The following SPG11 variants were observed in gnomAD, a reference collection of about 807,000 sequenced individuals.
SPG11 encodes the protein SPG11 vesicle trafficking associated, spatacsin.
Under a neutral mutation model 274.0 loss-of-function variants are expected in SPG11, and 222 were observed. That is an observed-to-expected ratio of 0.81 (90% CI 0.73 to 0.91). The LOEUF (loss-of-function observed/expected upper bound fraction) is 0.91, where lower values mean the gene tolerates loss of function less well. SPG11 is among the 40% of genes least tolerant of loss of function. The pLI, the probability that SPG11 is intolerant of heterozygous loss-of-function variation, is 0.00. For missense variants in SPG11, 3,114 were observed against 2,872.7 expected, an observed-to-expected ratio of 1.08 and a Z score of -1.92; for synonymous variants, 1,144 against 1,039.7, an observed-to-expected ratio of 1.10 and a Z score of -1.93.
intron 4 of SPG11, among the ~76,000 whole-genome samples, chr15:44,652,786 C>T (rs1045372661): frequency 6.6e-6 from 1 of 151,984 alleles, no homozygotes; most frequent in African/African-American, 2.4e-5. Context: ...TCCCGAGTAG[C>T]TGGGACTGCA....
chr15:44,595,928 G>C, intron 25 of SPG11, 155 bp downstream of exon 25: 1 of 1,003,376 alleles, frequency 1.0e-6, no homozygotes, highest in Non-Finnish European at 1.5e-6. Flanking sequence ...CAGAGCCTAA[G>C]CTAGAGAAGC....
In SPG11 at chr15:44,628,823, T is replaced by C. The variant is rs772835480; in HGVS notation, c.1913A>G (p.Lys638Arg). Residue 638 changes from lysine to arginine, a missense_variant, in exon 10 of 40, where the codon AAA becomes AGA. Coordinates refer to ENST00000261866, the MANE Select transcript of SPG11 (RefSeq NM_025137.4). The part of the protein sequence containing the change: ...HTEELDEHLQ[K>R]GVNILTSYIN... Reference sequence around the variant, plus strand: ...GTAGCTAGTCAAAATGTTCACTCCTTTTTGCAGATGTTCATCTAGTTCTAT... The same window carrying C: ...GTAGCTAGTCAAAATGTTCACTCCTCTTTGCAGATGTTCATCTAGTTCTAT... 25 of 1,613,374 alleles carry C rather than the reference T, an allele frequency of 1.5e-5. No individual in the cohort carries two copies. In the South Asian group the frequency reaches 2.3e-4, roughly 15 times the overall value.
At chr15:44,617,394 C>A (rs921337675) in intron 15 of SPG11, among the ~76,000 whole-genome samples, 6 of 152,196 alleles carry the variant, frequency 3.9e-5, no homozygotes, top group African/African-American at 1.4e-4. Flanking sequence ...ATGTAATGTA[C>A]AACACAAGGT....
intron 35 of SPG11, 34 bp downstream of exon 35, chr15:44,569,364 C>T: frequency 1.4e-6 from 2 of 1,424,122 alleles, no homozygotes; most frequent in Non-Finnish European, 2.0e-6. Flanking sequence ...ATCAGCAGTA[C>T]ACCCCATCCT....
intron 4 of SPG11, among the ~76,000 whole-genome samples, chr15:44,654,219 G>A (rs2084869569): frequency 6.6e-6 from 1 of 152,174 alleles, no homozygotes; most frequent in Non-Finnish European, 1.5e-5. Flanking sequence ...CATAAATTAT[G>A]CACAAATTGG....
At position 44,652,170 on chromosome 15, in the gene SPG11, G is replaced by C; in HGVS notation, c.966C>G (p.Ala322=). ...AAAACTTGGCCAGTTTCATGTTGTAGGCAGAGTTAACAGGATCATCTTCAT... is the reference window on the plus strand; with the variant it reads ...AAAACTTGGCCAGTTTCATGTTGTACGCAGAGTTAACAGGATCATCTTCAT... ...GVDEDDPVNS[A]YNMKLAKFSF... is the part of the protein sequence containing the mutation. Residue 322 remains alanine, a synonymous_variant, in exon 5 of 40, where the codon GCC becomes GCG. Coordinates refer to ENST00000261866, the MANE Select transcript of SPG11 (RefSeq NM_025137.4). 1 of 1,614,108 alleles carries C rather than the reference G, an allele frequency of 6.2e-7. No individual in the cohort carries two copies. Among genetic ancestry groups the C allele is most frequent in the South Asian group, 1.1e-5 (1 of 91,078 alleles).
intron 33 of SPG11, among the ~76,000 whole-genome samples, chr15:44,571,294 T>G (rs1567130052): frequency 2.0e-5 from 3 of 152,234 alleles, no homozygotes; most frequent in African/African-American, 7.2e-5. Flanking sequence ...GGCCTTCGTT[T>G]GGACATTTCG....
chr15:44,636,142 G>A (rs1462808064), intron 7 of SPG11, among the ~76,000 whole-genome samples: 1 of 151,956 alleles, frequency 6.6e-6, no homozygotes, highest in Non-Finnish European at 1.5e-5. Flanking sequence ...CAAAGTTCTG[G>A]GTGTTAATAT....
At position 44,573,707 on chromosome 15, in the gene SPG11, A is replaced by G. The variant is rs749530648; in HGVS notation, c.6045T>C (p.Asp2015=). The change falls in exon 32 of 40, where the codon GAT becomes GAC. Residue 2015 remains aspartate (D), a synonymous_variant. Coordinates refer to ENST00000261866, the MANE Select transcript of SPG11 (RefSeq NM_025137.4). ...AGATTTTCCGGAGCATGGCTTCACC[A>G]TCCTGAGCAGCAACATCTGTGTAGG... ...GCSYTDVAAQ[D]GEAMLRKILA... is the part of the protein sequence containing the mutation. The G allele has an allele frequency of 4.2e-5, 67 of 1,614,112 alleles. 3 individuals carry two copies. The South Asian group carries it at 6.9e-4, about 17-fold the overall frequency.
In SPG11 at chr15:44,633,621, C is replaced by G; in HGVS notation, c.1619G>C (p.Arg540Pro). The G allele has an allele frequency of 6.2e-7, 1 of 1,613,190 alleles. No homozygotes were observed. Among genetic ancestry groups the G allele is most frequent in the Non-Finnish European group, 8.5e-7 (1 of 1,179,764 alleles). The change falls in exon 8 of 40, where the codon CGT (arginine) becomes CCT (proline). Residue 540 changes from arginine to proline, a missense_variant. By Grantham distance (103) the Arg-to-Pro change is moderately radical (BLOSUM62 -2). Coordinates refer to ENST00000261866, the MANE Select transcript of SPG11 (RefSeq NM_025137.4). ...AAAGAAATTTACTGTGTCCAGCTGA[C>G]GATTTTCTATCCCGGCCTGAAATGA... ...IHALEAGIEN[R>P]QLDTVNFFLK...
chr15:44,610,662 G>C (rs2083437168), intron 18 of SPG11, among the ~76,000 whole-genome samples, 178 bp downstream of exon 18: 1 of 152,222 alleles, frequency 6.6e-6, no homozygotes, highest in African/African-American at 2.4e-5. Flanking sequence ...ACAGGAGTGA[G>C]CCACTGCACC....
At position 44,628,793 on chromosome 15, in the gene SPG11, T is replaced by C. The variant is rs1425855705; in HGVS notation, c.1943A>G (p.Asn648Ser). Residue 648 changes from asparagine (N) to serine (S), a missense_variant, in exon 10 of 40, where the codon AAT (asparagine) becomes AGT (serine). Transcript: ENST00000261866. Reference protein sequence around the residue: ...KGVNILTSYINELRTFMIKFP... With the variant: ...KGVNILTSYISELRTFMIKFP... ...CTTTATCATGAAGGTTCGAAGTTCA[T>C]TAATGTAGCTAGTCAAAATGTTCAC... The C allele has an allele frequency of 6.2e-7, 1 of 1,613,640 alleles. No individual in the cohort carries two copies. Among genetic ancestry groups the C allele is most frequent in the African/African-American group, 1.3e-5 (1 of 74,934 alleles).
intron 3 of SPG11, 101 bp from the exon 4 acceptor site, chr15:44,657,397 G>A: frequency 1.8e-6 from 2 of 1,099,010 alleles, no homozygotes; most frequent in Non-Finnish European, 1.3e-6. Context: ...CTCCAATTTT[G>A]TAGGTATAAC....
At chr15:44,632,606 A>T (rs963797444) in intron 8 of SPG11, among the ~76,000 whole-genome samples, 2 of 151,600 alleles carry the variant, frequency 1.3e-5, no homozygotes, top group Non-Finnish European at 2.9e-5. Context: ...GACCTCCCAG[A>T]CTCAAGCAAT....
chr15:44,563,991 G>C lies in SPG11; in HGVS notation c.7151+556C>G, dbSNP rs148011286. On this transcript the variant is annotated intron_variant, in intron 39 of 39. Coordinates refer to ENST00000261866, the MANE Select transcript of SPG11 (RefSeq NM_025137.4). ...TCCAAAAGGCACCTCTGATGTTTTA[G>C]TGTTTTTCGTTTCTTTTTTTGAGAC... Among the ~76,000 whole-genome samples, 133 of 152,044 alleles carry C rather than the reference G, an allele frequency of 8.7e-4. 1 individual carries two copies. The highest frequency in any genetic ancestry group is 3.1e-3 in the African/African-American group (127 of 41,464).
At chr15:44,582,712 C>T (rs918265230) in intron 30 of SPG11, among the ~76,000 whole-genome samples, 2 of 151,834 alleles carry the variant, frequency 1.3e-5, no homozygotes, top group African/African-American at 4.8e-5. Context: ...CAAGGCTGGT[C>T]CAATATTAAA....
chr15:44,570,250 T>C (rs919627849), intron 34 of SPG11, among the ~76,000 whole-genome samples: 2 of 152,154 alleles, frequency 1.3e-5, no homozygotes, highest in African/African-American at 2.4e-5. Flanking sequence ...TAGCCCTCTA[T>C]CTAGAAAAGT....
At position 44,605,987 on chromosome 15, in the gene SPG11, G is replaced by A. The variant is rs1165394115; in HGVS notation, c.3520+38C>T. 6 of 1,553,148 alleles carry A rather than the reference G, an allele frequency of 3.9e-6. No homozygotes were observed. The Admixed American group carries it at 1.0e-4, about 26-fold the overall frequency. On this transcript the variant is annotated intron_variant, in intron 20 of 39. Transcript: ENST00000261866. ...TGTATTAACTTCTGTAGTTAACACT[G>A]CTAAAACATGTCTCAAGAAGTACCC...
chr15:44,625,428 C>T (rs1429626202), intron 11 of SPG11, among the ~76,000 whole-genome samples: 1 of 152,050 alleles, frequency 6.6e-6, no homozygotes, highest in Non-Finnish European at 1.5e-5. Context: ...GGATTTCCCC[C>T]TTGCTGTTTT....
Sources: gnomAD v4.1 joint callset for allele counts (sites outside exome capture counted in the v4.1 genomes callset) on GRCh38, gnomAD v4.1.1 for gene constraint, MANE v1.5 for transcripts, NCBI Gene and HGNC (gene_info 2026-07-23, HGNC 2026-07-21) for gene names.